The following GRIK3 variants were observed in gnomAD, a reference collection of about 807,000 sequenced individuals.
GRIK3 encodes the protein glutamate receptor ionotropic, kainate 3.
A neutral mutation model predicts 102.5 loss-of-function variants in GRIK3; 29 were observed. The ratio of observed to expected loss-of-function variants is 0.28; its 90% CI spans 0.21 to 0.39. The LOEUF is 0.39. Among genes scored for constraint, GRIK3 ranks in the 10% least tolerant of loss-of-function variants. The pLI is 1.00. For synonymous variants in GRIK3, 511 were observed against 504.9 expected (o/e 1.01, Z -0.16); for missense variants, 908 against 1,252.4 (o/e 0.73, Z 4.15).
intron 1 of GRIK3, among the ~76,000 whole-genome samples, chr1:36,916,585 T>C (rs1339808649): frequency 6.6e-6 from 1 of 152,142 alleles, no homozygotes; most frequent in Non-Finnish European, 1.5e-5. Context: ...CTTGGTGCCC[T>C]GTGTCCCAGC....
intron 1 of GRIK3, among the ~76,000 whole-genome samples, chr1:37,022,282 T>C (rs1208408542): frequency 1.3e-5 from 2 of 152,214 alleles, no homozygotes; most frequent in African/African-American, 2.4e-5. Context: ...TCCTGAGTGC[T>C]CAGCCTATTA....
intron 1 of GRIK3, among the ~76,000 whole-genome samples, chr1:36,930,934 C>T (rs1288650676): frequency 2.6e-5 from 4 of 152,314 alleles, no homozygotes; most frequent in Non-Finnish European, 2.9e-5. Context: ...GGTAGGAAAG[C>T]TGAGTGTATG....
At chr1:36,961,770 C>T (rs1642012829) in intron 1 of GRIK3, among the ~76,000 whole-genome samples, 1 of 152,266 alleles carries the variant, frequency 6.6e-6, no homozygotes, top group Non-Finnish European at 1.5e-5. Flanking sequence ...ATTCAAGTCA[C>T]ATCTCTTTGT....
intron 1 of GRIK3, among the ~76,000 whole-genome samples, chr1:36,956,366 G>T (rs1349474254): frequency 6.6e-6 from 1 of 152,206 alleles, no homozygotes; most frequent in East Asian, 1.9e-4. Context: ...ACTCAGGGCA[G>T]CATCTCACCA....
intron 1 of GRIK3, among the ~76,000 whole-genome samples, chr1:36,915,898 C>T (rs552093686): frequency 1.8e-4 from 27 of 152,128 alleles, no homozygotes; most frequent in African/African-American, 5.1e-4. Flanking sequence ...GGGAGTGGTA[C>T]GTTGCTGAAA....
intron 1 of GRIK3, among the ~76,000 whole-genome samples, chr1:37,022,294 C>T (rs115236037): frequency 0.026 from 3,931 of 152,248 alleles, 166 homozygotes; most frequent in African/African-American, 0.09. Context: ...AGCCTATTAA[C>T]GACAGCACAG....
intron 1 of GRIK3, among the ~76,000 whole-genome samples, chr1:36,933,784 G>A (rs992742851): frequency 6.6e-6 from 1 of 152,208 alleles, no homozygotes; most frequent in South Asian, 2.1e-4. Context: ...TGTGACGGAG[G>A]TCATGTCCCT....
intron 13 of GRIK3, among the ~76,000 whole-genome samples, chr1:36,808,010 G>T (rs973653896): frequency 1.3e-5 from 2 of 152,120 alleles, no homozygotes; most frequent in African/African-American, 4.8e-5. Flanking sequence ...TCTTACCTCT[G>T]CAATCCCTGC....
chr1:36,801,686 GAGCCTGC>G lies in GRIK3; in HGVS notation c.*158_*164del. On this transcript the variant is annotated 3_prime_UTR_variant, in exon 16 of 16. Transcript: ENST00000373091. ...GATGAAGCCCAAGCAGCTGGCCTGA[GAGCCTGC>G]TGGCTTCCTGGCAGGTAAGGGCAGG... The G allele has an allele frequency of 1.9e-6, 1 of 530,420 alleles. No individual in the cohort carries two copies. The allele number at this position is 530,420 out of a possible 1,614,324, so 32.9% of individuals were successfully genotyped here. A position where few individuals can be genotyped will look rare whatever the true frequency, so the allele number is the denominator to read the frequency against.
intron 1 of GRIK3, among the ~76,000 whole-genome samples, chr1:36,971,901 T>C (rs181440677): frequency 3.9e-5 from 6 of 152,248 alleles, no homozygotes; most frequent in Admixed American, 3.3e-4. Flanking sequence ...AGACACCCTT[T>C]TGGAGGGAAC....
chr1:36,919,824 C>G (rs1641447009), intron 1 of GRIK3, among the ~76,000 whole-genome samples: 1 of 152,240 alleles, frequency 6.6e-6, no homozygotes, highest in South Asian at 2.1e-4. Context: ...CCCATGGCCC[C>G]TGGGCCCTAC....
intron 1 of GRIK3, among the ~76,000 whole-genome samples, chr1:36,961,473 G>A (rs922517223): frequency 6.6e-6 from 1 of 152,252 alleles, no homozygotes; most frequent in Non-Finnish European, 1.5e-5. Context: ...GACAAAGAAA[G>A]CAGCAGGCAC....
rs1642864940 is a variant in GRIK3, at chr1:37,034,371, A to ACACGG, written c.-264_-263insCCGTG. The stretch of plus-strand genomic sequence containing the variant: ...TGGGCTCCGCCCGGACTCCGCTCGG[A>ACACGG]CTCGGCTCCGGCTCCGACTCGCGTC... On this transcript the variant is annotated 5_prime_UTR_variant, in exon 1 of 16. Coordinates refer to ENST00000373091, the MANE Select transcript of GRIK3 (RefSeq NM_000831.4). Among the ~76,000 whole-genome samples the ACACGG allele has an allele frequency of 6.7e-6, 1 of 150,098 alleles. No homozygotes were observed. The highest frequency in any genetic ancestry group is 2.4e-5 in the African/African-American group (1 of 40,912).
rs143502422 is a variant in GRIK3, at chr1:36,912,201, C to T, written c.116-21105G>A. Among the ~76,000 whole-genome samples, 12 of 152,286 alleles carry T rather than the reference C, an allele frequency of 7.9e-5. No homozygotes were observed. In the East Asian group the frequency reaches 2.3e-3, roughly 29 times the overall value. ...GTGCAACAGACATGATCCTCGTCCCCTGATCCCAACCCCAGAGGCCACTGC... is the reference window on the plus strand; with the variant it reads ...GTGCAACAGACATGATCCTCGTCCCTTGATCCCAACCCCAGAGGCCACTGC... On this transcript the variant is annotated intron_variant, in intron 1 of 15. Coordinates refer to ENST00000373091, the MANE Select transcript of GRIK3 (RefSeq NM_000831.4).
At chr1:36,915,225 C>A (rs2124298774) in intron 1 of GRIK3, among the ~76,000 whole-genome samples, 1 of 152,288 alleles carries the variant, frequency 6.6e-6, no homozygotes, top group Admixed American at 6.5e-5. Context: ...GTTCTTCATG[C>A]AGCTTAATAT....
intron 1 of GRIK3, among the ~76,000 whole-genome samples, chr1:36,979,072 C>A (rs939782837): frequency 2.0e-5 from 3 of 152,234 alleles, no homozygotes; most frequent in African/African-American, 7.2e-5. Context: ...AATGTTGGAG[C>A]AGTACAGCTT....
chr1:36,827,411 C>T (rs1049315575), intron 10 of GRIK3, among the ~76,000 whole-genome samples: 2 of 146,076 alleles, frequency 1.4e-5, no homozygotes, highest in African/African-American at 5.6e-5. Flanking sequence ...GGCCTAACAA[C>T]AGAAAGGTTA....
At chr1:37,033,415 G>C (rs1029092687) in intron 1 of GRIK3, among the ~76,000 whole-genome samples, 1 of 152,182 alleles carries the variant, frequency 6.6e-6, no homozygotes, top group African/African-American at 2.4e-5. Flanking sequence ...GCGGGGTCCT[G>C]CTCCCCCAAC....
At chr1:36,966,016 T>C (rs1156389163) in intron 1 of GRIK3, among the ~76,000 whole-genome samples, 2 of 152,130 alleles carry the variant, frequency 1.3e-5, no homozygotes, top group Non-Finnish European at 2.9e-5. Flanking sequence ...CAGGGAAGCA[T>C]GGTGCTGAGA....
Sources: allele counts gnomAD v4.1 joint callset (sites outside exome capture counted in the v4.1 genomes callset), GRCh38; gene constraint gnomAD v4.1.1; transcripts MANE v1.5; gene names NCBI Gene and HGNC (gene_info 2026-07-23, HGNC 2026-07-21).